The following PCNT variants were observed in gnomAD, a reference collection of about 807,000 sequenced individuals.
PCNT encodes the protein kendrin.
In PCNT, 319 loss-of-function variants were observed where a neutral mutation model predicts 380.4. The ratio of observed to expected loss-of-function variants is 0.84; its 90% CI spans 0.77 to 0.92. The LOEUF is 0.92. PCNT is among the 40% of genes least tolerant of loss of function. PCNT has a pLI of 0.00. For missense variants in PCNT, 4,400 were observed against 4,255.3 expected (o/e 1.03, Z -0.95); for synonymous variants, 1,845 against 1,735.2 (o/e 1.06, Z -1.57).
At chr21:46,401,183 T>C (rs567126112) in intron 25 of PCNT, among the ~76,000 whole-genome samples, 10 of 152,274 alleles carry the variant, frequency 6.6e-5, no homozygotes, top group Non-Finnish European at 1.5e-4. Context: ...GAAAAATTTT[T>C]TCTAGGCAGG....
Position 46,416,687 on chromosome 21 carries a change from G to A in PCNT, c.6769G>A (p.Asp2257Asn), listed in dbSNP as rs1309491602. 13 of 1,565,156 alleles carry A rather than the reference G, an allele frequency of 8.3e-6. No individual in the cohort carries two copies. The Middle Eastern group carries it at 5.2e-4, about 63-fold the overall frequency. ...AGGAGCCCTGAGCCTGTGCAGTGCC[G>A]ACACATCCCTGGGGGACAGGGCGGA... The part of the protein sequence containing the change: ...HSGALSLCSA[D>N]TSLGDRADTS... The change falls in exon 30 of 47, where the codon GAC (aspartate) becomes AAC (asparagine). Residue 2257 changes from aspartate to asparagine, a missense_variant. Asp to Asn is a conservative substitution (Grantham distance 23). Coordinates refer to ENST00000359568, the MANE Select transcript of PCNT (RefSeq NM_006031.6).
chr21:46,432,313 C>G (rs7283044), intron 38 of PCNT, 98 bp downstream of exon 38: 139 of 1,197,766 alleles, frequency 1.2e-4, no homozygotes, highest in Non-Finnish European at 1.5e-4. Context: ...ATGTCTGGCC[C>G]TCTGACCTGG....
intron 1 of PCNT, among the ~76,000 whole-genome samples, chr21:46,324,544 G>A (rs1024545160): frequency 6.5e-5 from 7 of 108,472 alleles, no homozygotes; most frequent in Non-Finnish European, 1.2e-4. Flanking sequence ...GGCGGGCCGG[G>A]GCGGGGCTGC....
intron 3 of PCNT, among the ~76,000 whole-genome samples, chr21:46,338,514 T>C (rs1569167841): frequency 6.6e-6 from 1 of 152,220 alleles, no homozygotes; most frequent in Non-Finnish European, 1.5e-5. Context: ...AGTACTTCAT[T>C]GTGTGCATGG....
At position 46,412,038 on chromosome 21, in the gene PCNT, G is replaced by T; in HGVS notation, c.5965G>T (p.Ala1989Ser). The change falls in exon 28 of 47, where the codon GCT becomes TCT. Residue 1989 changes from alanine to serine, a missense_variant. Physicochemically the swap from Ala to Ser is moderately conservative, Grantham distance 99. Coordinates refer to ENST00000359568, the MANE Select transcript of PCNT (RefSeq NM_006031.6). ...CGACGTGGAGGCCTCCCATGATGCT[G>T]CTTTGGAGCCGGTTGTCCCTGACCC... is the stretch of plus-strand genomic sequence containing the variant. The part of the protein sequence containing the change: ...TGDVEASHDA[A>S]LEPVVPDPQG... The T allele has an allele frequency of 1.2e-6, 2 of 1,608,224 alleles. No homozygotes were observed. Among genetic ancestry groups the T allele is most frequent in the Non-Finnish European group, 8.5e-7 (1 of 1,179,822 alleles).
rs934686164 is a variant in PCNT at position 46,355,382 on chromosome 21, T to C, written c.1762-70T>C. 2.7e-6 allele frequency: 4 copies of C among 1,504,252 alleles called. No homozygotes were observed. In the Admixed American group the frequency reaches 5.0e-5, roughly 19 times the overall value. The allele number at this position is 1,504,252 out of a possible 1,614,324, so 93.2% of individuals were successfully genotyped here. A position where few individuals can be genotyped will look rare whatever the true frequency, so the allele number is the denominator to read the frequency against. On this transcript the variant is annotated intron_variant, in intron 11 of 46. Transcript: ENST00000359568. ...TCTTTGTGCATAGCAGGAAACACCTTTGAGGGTTATAGCTGCGAGCGAGGT... is the reference window on the plus strand; with the variant it reads ...TCTTTGTGCATAGCAGGAAACACCTCTGAGGGTTATAGCTGCGAGCGAGGT...
chr21:46,445,700 CTT>C lies in PCNT; in HGVS notation c.*374_*375del, dbSNP rs887716119. On this transcript the variant is annotated 3_prime_UTR_variant, in exon 47 of 47. Coordinates refer to ENST00000359568, the MANE Select transcript of PCNT (RefSeq NM_006031.6). ...TTTTCTTAACGTGTACAGATGGAAA[CTT>C]CATTTAAAAATAAAAACAAAACAAC... 2 of 203,250 alleles carry C rather than the reference CTT, an allele frequency of 9.8e-6. No homozygotes were observed. The highest frequency in any genetic ancestry group is 2.0e-5 in the Non-Finnish European group (2 of 100,556). The allele number at this position is 203,250 out of a possible 1,614,324, so 12.6% of individuals were successfully genotyped here.
chr21:46,436,868 G>A, intron 39 of PCNT, 111 bp from the exon 40 acceptor site: 1 of 815,468 alleles, frequency 1.2e-6, no homozygotes, highest in Admixed American at 1.9e-5. Flanking sequence ...TTCACACACA[G>A]GCTCCTCAGA....
At chr21:46,332,695 A>G (rs757832966) in intron 2 of PCNT, among the ~76,000 whole-genome samples, 2 of 152,230 alleles carry the variant, frequency 1.3e-5, no homozygotes, top group Non-Finnish European at 2.9e-5. Flanking sequence ...ATCATTGGCC[A>G]TGGGTGCTCT....
At chr21:46,351,625 C>G in intron 9 of PCNT, 85 bp downstream of exon 9, 1 of 850,298 alleles carries the variant, frequency 1.2e-6, no homozygotes, top group Non-Finnish European at 2.0e-6. Context: ...CAGAATTTAA[C>G]AATTCTAGCA....
rs550770485 is a variant in PCNT at position 46,326,622 on chromosome 21, C to T, written c.267+33C>T. On this transcript the variant is annotated intron_variant, in intron 2 of 46. Coordinates refer to ENST00000359568, the MANE Select transcript of PCNT (RefSeq NM_006031.6). ...TGCTCAATGTTGTATTTGAACATTT[C>T]GCTTATCTTCTAGTGATTTCTAGTG... The T allele has an allele frequency of 5.8e-5, 92 of 1,581,130 alleles. No homozygotes were observed. The South Asian group carries it at 6.1e-4, about 10-fold the overall frequency.
At chr21:46,391,107 C>A in intron 20 of PCNT, 57 bp from the exon 21 acceptor site, 1 of 1,477,536 alleles carries the variant, frequency 6.8e-7, no homozygotes, top group Non-Finnish European at 9.3e-7. Flanking sequence ...TCCAAGCAGG[C>A]TCTCCTCAGT....
At chr21:46,359,101 C>T (rs1172772236) in intron 13 of PCNT, among the ~76,000 whole-genome samples, 1 of 152,134 alleles carries the variant, frequency 6.6e-6, no homozygotes, top group Non-Finnish European at 1.5e-5. Context: ...AGCCACCGCA[C>T]CCAACCATGC....
chr21:46,336,342 GTC>G lies in PCNT; in HGVS notation c.639+1578_639+1579del, dbSNP rs148385178. Among the ~76,000 whole-genome samples, 598 of 152,300 alleles carry G rather than the reference GTC, an allele frequency of 3.9e-3. 5 individuals carry two copies. Among genetic ancestry groups the G allele is most frequent in the African/African-American group, 0.014 (566 of 41,558 alleles). ...CTCCTAGGTGAGGCCTGGAAGCACA[GTC>G]TCTGGTGGGTTCTATAAAACCCACT... On this transcript the variant is annotated intron_variant, in intron 3 of 46. Coordinates refer to ENST00000359568, the MANE Select transcript of PCNT (RefSeq NM_006031.6).
intron 2 of PCNT, among the ~76,000 whole-genome samples, chr21:46,328,471 T>C (rs1364284358): frequency 6.6e-5 from 10 of 151,822 alleles, no homozygotes; most frequent in African/African-American, 2.4e-4. Flanking sequence ...TGTTTTTTGG[T>C]TTTTTTTGAA....
intron 38 of PCNT, among the ~76,000 whole-genome samples, chr21:46,433,156 C>A (rs1472733858): frequency 1.3e-5 from 2 of 152,032 alleles, no homozygotes; most frequent in Non-Finnish European, 2.9e-5. Flanking sequence ...CCAAGGCAGG[C>A]AGATCATTTG....
chr21:46,383,582 T>C (rs541892278), intron 16 of PCNT, among the ~76,000 whole-genome samples: 2 of 143,998 alleles, frequency 1.4e-5, no homozygotes, highest in African/African-American at 5.1e-5. Flanking sequence ...TTCACAGTGC[T>C]GTGCATTCAG....
chr21:46,381,218 G>C (rs565236189), intron 15 of PCNT, among the ~76,000 whole-genome samples: 11,446 of 140,588 alleles, frequency 0.081, 1,958 homozygotes, highest in African/African-American at 0.28. Context: ...GTGTGTGTGT[G>C]TGTGTGTGTG....
At chr21:46,419,867 A>G (rs1240657069) in intron 31 of PCNT, among the ~76,000 whole-genome samples, 1 of 151,978 alleles carries the variant, frequency 6.6e-6, no homozygotes. Flanking sequence ...TAGCCTCCCA[A>G]AGTGCTGGGA....
Sources: allele counts gnomAD v4.1 joint callset (sites outside exome capture counted in the v4.1 genomes callset), GRCh38; gene constraint gnomAD v4.1.1; transcripts MANE v1.5; gene names NCBI Gene and HGNC (gene_info 2026-07-23, HGNC 2026-07-21).